Variants in TSC22D3 observed in about 807,000 individuals in gnomAD.
The protein encoded by TSC22D3 is TSC22 domain family member 3, also known as TSC22 domain family protein 3.
In TSC22D3, 4 loss-of-function variants were observed where a neutral mutation model predicts 11.1. That is an observed-to-expected ratio of 0.36 (90% CI 0.18 to 0.83). TSC22D3 has a LOEUF of 0.83. Among genes scored for constraint, TSC22D3 ranks in the 40% least tolerant of loss-of-function variants. TSC22D3 has a pLI of 0.48. For synonymous variants in TSC22D3, 77 were observed against 70.3 expected, an observed-to-expected ratio of 1.10 and a Z score of -0.48; for missense variants, 118 against 159.4, an observed-to-expected ratio of 0.74 and a Z score of 1.40.
At chrX:107,721,188 T>C (rs1328221978) in intron 1 of TSC22D3, among the ~76,000 whole-genome samples, 2 of 111,797 alleles carry the variant, frequency 1.8e-5, no homozygotes, top group African/African-American at 6.5e-5. Context: ...GGGGCGACCT[T>C]CTAGATGGAG....
At chrX:107,725,805 C>A (rs938311753) in intron 1 of TSC22D3, among the ~76,000 whole-genome samples, 2 of 110,700 alleles carry the variant, frequency 1.8e-5, no homozygotes, top group Non-Finnish European at 3.8e-5. Context: ...CAGGGACATG[C>A]GGCGGGGGAG....
intron 1 of TSC22D3, among the ~76,000 whole-genome samples, chrX:107,750,248 T>TC (rs1253768213): frequency 1.3e-4 from 14 of 110,762 alleles, no homozygotes; most frequent in Admixed American, 3.8e-4. Context: ...GTTTTTTTTT[T>TC]TTTTTTGGTG....
At chrX:107,724,429 A>G (rs1273370000) in intron 1 of TSC22D3, among the ~76,000 whole-genome samples, 1 of 113,328 alleles carries the variant, frequency 8.8e-6, no homozygotes, top group Non-Finnish European at 1.9e-5. Context: ...CGGAAGAAAG[A>G]GTAGCATGGA....
chrX:107,746,308 G>T (rs1318784359), intron 1 of TSC22D3, among the ~76,000 whole-genome samples: 2 of 111,739 alleles, frequency 1.8e-5, no homozygotes, highest in African/African-American at 6.5e-5. Flanking sequence ...GTCTGGGAGT[G>T]CAGAAAAGGG....
chrX:107,739,396 A>G (rs1288947119), intron 1 of TSC22D3, among the ~76,000 whole-genome samples: 1 of 112,658 alleles, frequency 8.9e-6, no homozygotes. Flanking sequence ...GCGCGTGCAC[A>G]CACACACATG....
chrX:107,742,281 AAGAGAG>A (rs764889060), intron 1 of TSC22D3, among the ~76,000 whole-genome samples: 2,616 of 56,777 alleles, frequency 0.046, 56 homozygotes, highest in East Asian at 0.068. Flanking sequence ...GAGAGAGAGA[AAGAGAG>A]AGAGAGAGAG....
intron 1 of TSC22D3, among the ~76,000 whole-genome samples, chrX:107,744,709 C>T (rs1158350237): frequency 1.8e-5 from 2 of 111,607 alleles, no homozygotes; most frequent in South Asian, 3.8e-4. Flanking sequence ...CAACTGCCAC[C>T]TAATTCCTCC....
intron 1 of TSC22D3, among the ~76,000 whole-genome samples, chrX:107,739,464 C>T (rs1928295704): frequency 8.9e-6 from 1 of 112,512 alleles, no homozygotes; most frequent in South Asian, 3.7e-4. Flanking sequence ...CTTTCCAGTC[C>T]TGGCCTGGTC....
chrX:107,716,270 G>A (rs1312030979), intron 1 of TSC22D3: 2 of 915,974 alleles, frequency 2.2e-6, no homozygotes, highest in Non-Finnish European at 2.7e-6. Flanking sequence ...TGTGCGACCC[G>A]GGGAGTCCCC....
rs1482494397 is a variant in TSC22D3, at chrX:107,773,757, A to C, written c.320+1343T>G. Reference sequence around the variant, plus strand: ...TAGCGGCCCTGCTTGTCTTGCCCAGAATCACTGGGGCTGGGCTGAGCGGGA... The same window carrying C: ...TAGCGGCCCTGCTTGTCTTGCCCAGCATCACTGGGGCTGGGCTGAGCGGGA... On this transcript the variant is annotated intron_variant, in intron 1 of 2. Coordinates refer to ENST00000372383, the MANE Select transcript of TSC22D3 (RefSeq NM_198057.3). Among the ~76,000 whole-genome samples, 4 of 111,478 alleles carry C rather than the reference A, an allele frequency of 3.6e-5. No homozygotes were observed. In the East Asian group the frequency reaches 8.4e-4, roughly 23 times the overall value.
At chrX:107,765,089 C>T (rs920683452) in intron 1 of TSC22D3, among the ~76,000 whole-genome samples, 1 of 111,945 alleles carries the variant, frequency 8.9e-6, no homozygotes, top group Non-Finnish European at 1.9e-5. Context: ...CACACCAGGC[C>T]ATCCCCTTCC....
chrX:107,722,395 G>A (rs1000583852), intron 1 of TSC22D3: 2 of 112,578 alleles, frequency 1.8e-5, no homozygotes, highest in Non-Finnish European at 3.7e-5. Context: ...AAGGGATGAC[G>A]GGCGCAACCA....
At chrX:107,775,017 T>C (rs1930069107) in intron 1 of TSC22D3, 83 bp downstream of exon 1, 1 of 1,061,969 alleles carries the variant, frequency 9.4e-7, no homozygotes, top group South Asian at 2.0e-5. Flanking sequence ...AACTTCCTAG[T>C]TGCCCCTTTT....
chrX:107,773,175 C>T (rs1466709521), intron 1 of TSC22D3, among the ~76,000 whole-genome samples: 1 of 112,658 alleles, frequency 8.9e-6, no homozygotes, highest in Non-Finnish European at 1.9e-5. Context: ...GAGTAGATGA[C>T]AAAGGAGGTA....
intron 1 of TSC22D3, chrX:107,716,236 C>A (rs1569446659): frequency 1.1e-6 from 1 of 912,833 alleles, no homozygotes; most frequent in Non-Finnish European, 1.4e-6. Flanking sequence ...GTGGCCTGCT[C>A]GGGCAATATG....
chrX:107,735,005 G>A (rs1928066251), intron 1 of TSC22D3, among the ~76,000 whole-genome samples: 1 of 109,308 alleles, frequency 9.1e-6, no homozygotes, highest in South Asian at 3.9e-4. Flanking sequence ...GTTGACTCTA[G>A]GACCCACACT....
Position 107,714,223 on chromosome X carries a change from G to T in TSC22D3, c.*296C>A. 1 of 267,651 alleles carries T rather than the reference G, an allele frequency of 3.7e-6. No homozygotes were observed. Among genetic ancestry groups the T allele is most frequent in the Non-Finnish European group, 6.7e-6 (1 of 150,082 alleles). 22.1% of individuals were successfully genotyped at this position (267,651 alleles called of 1,213,427 possible). On this transcript the variant is annotated 3_prime_UTR_variant, in exon 3 of 3. Transcript: ENST00000372383. ...ACACCTCAAACTACCCTTCTCCTTT[G>T]CCAGTTGCAGCTAAGTTGCCCAGGC...
chrX:107,724,040 A>T (rs1339829952), intron 1 of TSC22D3, among the ~76,000 whole-genome samples: 1 of 112,576 alleles, frequency 8.9e-6, no homozygotes, highest in South Asian at 3.6e-4. Context: ...GCCCTCGCTT[A>T]CCTCACAGCA....
At chrX:107,738,689 G>C (rs1478629439) in intron 1 of TSC22D3, among the ~76,000 whole-genome samples, 5 of 113,116 alleles carry the variant, frequency 4.4e-5, no homozygotes, top group African/African-American at 1.6e-4. Context: ...GGTAAAGGGA[G>C]GGGGAGAACA....
Sources: allele counts gnomAD v4.1 joint callset (sites outside exome capture counted in the v4.1 genomes callset), GRCh38; gene constraint gnomAD v4.1.1; transcripts MANE v1.5; gene names NCBI Gene and HGNC (gene_info 2026-07-23, HGNC 2026-07-21).